Variants in HADHB observed in about 807,000 individuals in gnomAD.
The protein encoded by HADHB is hydroxyacyl-CoA dehydrogenase trifunctional multienzyme complex subunit beta.
Under a neutral mutation model 61.9 loss-of-function variants are expected in HADHB, and 50 were observed. That is an observed-to-expected ratio of 0.81 (90% confidence interval 0.64 to 1.02). The LOEUF (loss-of-function observed/expected upper bound fraction) is 1.02. Ranked by LOEUF, HADHB falls within the 50% of genes least tolerant of loss-of-function variation. HADHB has a pLI of 0.00. For synonymous variants in HADHB, 191 were observed against 201.6 expected, an observed-to-expected ratio of 0.95 and a Z score of 0.45; for missense variants, 504 against 586.5, an observed-to-expected ratio of 0.86 and a Z score of 1.45.
At chr2:26,273,445 A>C (rs947359880) in intron 5 of HADHB, among the ~76,000 whole-genome samples, 6 of 152,182 alleles carry the variant, frequency 3.9e-5, no homozygotes, top group African/African-American at 1.2e-4. Context: ...CCAATTCAGC[A>C]TCAAATGTTG....
At chr2:26,265,206 T>C (rs1363260173) in intron 4 of HADHB, among the ~76,000 whole-genome samples, 2 of 152,134 alleles carry the variant, frequency 1.3e-5, no homozygotes, top group Admixed American at 1.3e-4. Flanking sequence ...TAGAAAAAGT[T>C]CCATCAAGAC....
At chr2:26,264,174 G>A (rs749827337) in intron 4 of HADHB, among the ~76,000 whole-genome samples, 5 of 152,192 alleles carry the variant, frequency 3.3e-5, no homozygotes, top group African/African-American at 4.8e-5. Context: ...CGGAATGTTA[G>A]GCATCTGTTA....
intron 5 of HADHB, 115 bp from the exon 6 acceptor site, chr2:26,273,532 GTCTC>G: frequency 1.4e-6 from 1 of 712,518 alleles, no homozygotes. Flanking sequence ...AAAAGATACA[GTCTC>G]TGTCCTTTTA....
In HADHB at chr2:26,273,847, A is replaced by G. The variant is rs540132888; in HGVS notation, c.354+97A>G. The G allele has an allele frequency of 9.2e-5, 67 of 726,796 alleles. 1 individual carries two copies. The East Asian group carries it at 1.3e-3, about 14-fold the overall frequency. The allele number at this position is 726,796 out of a possible 1,614,324, so 45.0% of individuals were successfully genotyped here. ...TACTTTACAAAAGCCTTTAAAATCT[A>G]TTGAGTTACATTTGACCTAAAATGT... On this transcript the variant is annotated intron_variant, in intron 6 of 15. Transcript: ENST00000317799.
chr2:26,263,593 T>A, intron 4 of HADHB, 114 bp downstream of exon 4: 1 of 746,948 alleles, frequency 1.3e-6, no homozygotes, highest in Non-Finnish European at 2.5e-6. Context: ...AATATTTGGA[T>A]AGCAGTCCCA....
chr2:26,264,584 C>T (rs1296497637), intron 4 of HADHB, among the ~76,000 whole-genome samples: 1 of 145,222 alleles, frequency 6.9e-6, no homozygotes, highest in Non-Finnish European at 1.5e-5. Context: ...GCAAGGTGCA[C>T]AGTATTGTGT....
chr2:26,260,218 A>T (rs1381977478), intron 3 of HADHB, among the ~76,000 whole-genome samples: 2 of 150,896 alleles, frequency 1.3e-5, no homozygotes, highest in Non-Finnish European at 2.9e-5. Flanking sequence ...AGTAGCTGGG[A>T]TTATAGGAGC....
intron 1 of HADHB, among the ~76,000 whole-genome samples, chr2:26,247,729 T>G (rs1417316965): frequency 6.6e-6 from 1 of 152,174 alleles, no homozygotes; most frequent in Non-Finnish European, 1.5e-5. Context: ...TTACATAGAT[T>G]TACATTGCAT....
At chr2:26,272,816 G>A (rs1672400013) in intron 5 of HADHB, among the ~76,000 whole-genome samples, 1 of 152,018 alleles carries the variant, frequency 6.6e-6, no homozygotes, top group Admixed American at 6.6e-5. Context: ...GGGTATAGTG[G>A]CTTACACCTA....
intron 10 of HADHB, among the ~76,000 whole-genome samples, chr2:26,280,451 G>A (rs1268133032): frequency 6.6e-6 from 1 of 152,190 alleles, no homozygotes; most frequent in Admixed American, 6.5e-5. Context: ...GGCTTAGGTC[G>A]AACCCCTGAC....
At position 26,285,739 on chromosome 2, in the gene HADHB, G is replaced by GTTTTTTTTTTTTTTGTTT. The variant is rs1553323308; in HGVS notation, c.1389+182_1389+183insGTTTTTTTTTTTTTTTTT. Among the ~76,000 whole-genome samples the GTTTTTTTTTTTTTTGTTT allele has an allele frequency of 9.7e-4, 63 of 65,098 alleles. 10 individuals are homozygous for GTTTTTTTTTTTTTTGTTT. The highest frequency in any genetic ancestry group is 2.5e-3 in the Admixed American group (13 of 5,224). The allele number at this position is 65,098 out of a possible 152,430, so 42.7% of individuals were successfully genotyped here. A position where few individuals can be genotyped will look rare whatever the true frequency, so the allele number is the denominator to read the frequency against. ...TCTGATAAAACTTTTTGTTTTTTGGGTTTTTTTTTTTTTTTTTTGAGACAG... is the reference window on the plus strand; with the variant it reads ...TCTGATAAAACTTTTTGTTTTTTGGGTTTTTTTTTTTTTTGTTTTTTTTTTTTTTTTTTTTTGAGACAG... On this transcript the variant is annotated intron_variant, in intron 15 of 15. Transcript: ENST00000317799.
At chr2:26,269,128 A>G (rs1672225674) in intron 4 of HADHB, among the ~76,000 whole-genome samples, 2 of 151,900 alleles carry the variant, frequency 1.3e-5, no homozygotes, top group East Asian at 1.9e-4. Context: ...CAGCCTGGGC[A>G]ACAAGAGCGA....
Position 26,284,880 on chromosome 2 carries a change from C to T in HADHB, c.1150-3C>T. 6.7e-7 allele frequency: 1 copy of T among 1,500,376 alleles called. No individual in the cohort carries two copies. Among genetic ancestry groups the T allele is most frequent in the South Asian group, 1.1e-5 (1 of 88,750 alleles). 92.9% of individuals were successfully genotyped at this position (1,500,376 alleles called of 1,614,324 possible). On this transcript the variant is annotated splice_region_variant and splice_polypyrimidine_tract_variant and intron_variant, in intron 13 of 15. Transcript: ENST00000317799. ...GTTCTTATTCGATTATTTTCTCTTC[C>T]AGGGTCAGATTTTGGCAAATTTTAA...
At chr2:26,282,171 T>C (rs1327188972) in intron 10 of HADHB, among the ~76,000 whole-genome samples, 3 of 151,994 alleles carry the variant, frequency 2.0e-5, no homozygotes, top group Non-Finnish European at 4.4e-5. Flanking sequence ...GAGATATGTT[T>C]ATTTTGGTTC....
chr2:26,261,015 A>G lies in HADHB; in HGVS notation c.110-2365A>G. The stretch of plus-strand genomic sequence containing the variant: ...CTGACCAACACAGTTGATCACTTGT[A>G]GGTAGATGACACTGGTTTCTGGTTG... On this transcript the variant is annotated intron_variant, in intron 3 of 15. Coordinates refer to ENST00000317799, the MANE Select transcript of HADHB (RefSeq NM_000183.3). The G allele has an allele frequency of 2.0e-6, 3 of 1,524,336 alleles. No individual in the cohort carries two copies. The South Asian group carries it at 3.6e-5, about 18-fold the overall frequency. The allele number at this position is 1,524,336 out of a possible 1,614,324, so 94.4% of individuals were successfully genotyped here. A position where few individuals can be genotyped will look rare whatever the true frequency, so the allele number is the denominator to read the frequency against.
chr2:26,251,380 G>T (rs1051179516), intron 1 of HADHB, among the ~76,000 whole-genome samples: 8 of 151,980 alleles, frequency 5.3e-5, no homozygotes, highest in African/African-American at 1.9e-4. Context: ...TAAAGACAGG[G>T]TCTCACTAGG....
At chr2:26,270,377 A>T (rs1297174365) in intron 5 of HADHB, among the ~76,000 whole-genome samples, 2 of 152,224 alleles carry the variant, frequency 1.3e-5, no homozygotes, top group African/African-American at 4.8e-5. Context: ...GTTAAATAAG[A>T]TTAGGCTGGA....
At chr2:26,280,868 A>G (rs1359055135) in intron 10 of HADHB, among the ~76,000 whole-genome samples, 1 of 150,746 alleles carries the variant, frequency 6.6e-6, no homozygotes, top group African/African-American at 2.4e-5. Flanking sequence ...AAAAAAAAAA[A>G]AAAAAAAAAA....
At chr2:26,271,615 G>C (rs1011942949) in intron 5 of HADHB, among the ~76,000 whole-genome samples, 2 of 152,124 alleles carry the variant, frequency 1.3e-5, no homozygotes, top group African/African-American at 4.8e-5. Context: ...GCATTTCTCT[G>C]TATGCATATT....
Sources: allele counts gnomAD v4.1 joint callset (sites outside exome capture counted in the v4.1 genomes callset), GRCh38; gene constraint gnomAD v4.1.1; transcripts MANE v1.5; gene names NCBI Gene and HGNC (gene_info 2026-07-23, HGNC 2026-07-21).